WT1: variants seen among roughly 807,000 people sequenced by gnomAD.
The protein encoded by WT1 is Wilms tumor protein.
In WT1, 8 loss-of-function variants were observed where a neutral mutation model predicts 60.8. That is an observed-to-expected ratio of 0.13 (90% CI 0.08 to 0.24). The LOEUF (loss-of-function observed/expected upper bound fraction) is 0.24, where lower values mean the gene tolerates loss of function less well. Among genes scored for constraint, WT1 ranks in the 10% least tolerant of loss-of-function variants. The probability of loss-of-function intolerance (pLI) is 1.00; values close to 1 mark genes in which losing one functional copy is unlikely to be tolerated. For missense variants in WT1, 568 were observed against 711.8 expected, an observed-to-expected ratio of 0.80 and a Z score of 2.30; for synonymous variants, 312 against 297.1, an observed-to-expected ratio of 1.05 and a Z score of -0.52.
chr11:32,426,524 C>T (rs950417385), intron 3 of WT1, among the ~76,000 whole-genome samples: 1 of 152,172 alleles, frequency 6.6e-6, no homozygotes, highest in Admixed American at 6.5e-5. Flanking sequence ...CATGCCGCGC[C>T]TGTGGTGCAG....
intron 3 of WT1, 99 bp downstream of exon 3, chr11:32,427,857 C>T: frequency 8.7e-7 from 1 of 1,147,856 alleles, no homozygotes; most frequent in Non-Finnish European, 1.2e-6. Context: ...TGCATGCCCG[C>T]AGTCAGGGCT....
Position 32,388,938 on chromosome 11 carries a change from G to T in WT1, c.*120C>A. On this transcript the variant is annotated 3_prime_UTR_variant, in exon 10 of 10. Coordinates refer to ENST00000452863, the MANE Select transcript of WT1 (RefSeq NM_024426.6). ...GAAGCACCGGTATCTTGTCTTGGAAGTTGGATGAAGAAGATCAACTGAAGT... is the reference window on the plus strand; with the variant it reads ...GAAGCACCGGTATCTTGTCTTGGAATTTGGATGAAGAAGATCAACTGAAGT... 6.4e-7 allele frequency: 1 copy of T among 1,557,348 alleles called. No individual in the cohort carries two copies. Among genetic ancestry groups the T allele is most frequent in the Non-Finnish European group, 8.7e-7 (1 of 1,143,312 alleles).
At chr11:32,400,367 C>T (rs1215808128) in intron 5 of WT1, 8 of 430,280 alleles carry the variant, frequency 1.9e-5, no homozygotes, top group Non-Finnish European at 3.1e-5. Context: ...ACCATCTAGA[C>T]GGCAGGGCTG....
intron 1 of WT1, among the ~76,000 whole-genome samples, chr11:32,429,781 G>A (rs1396174424): frequency 6.6e-6 from 1 of 151,752 alleles, no homozygotes; most frequent in Non-Finnish European, 1.5e-5. Flanking sequence ...GACTGCCCTG[G>A]GTCTCCAAAC....
At position 32,399,978 on chromosome 11, in the gene WT1, T is replaced by C. The variant is rs17855567; in HGVS notation, c.1083A>G (p.Ile361Met). 6.2e-7 allele frequency: 1 copy of C among 1,614,096 alleles called. No homozygotes were observed. Among genetic ancestry groups the C allele is most frequent in the Non-Finnish European group, 8.5e-7 (1 of 1,180,058 alleles). ...TGCCTCTGAAGACACCGTGCGTGTG[T>C]ATTCTGTATTGGGCTCCGCAGAGGA... Residue 361 changes from isoleucine to methionine, a missense_variant, in exon 6 of 10, where the codon ATA becomes ATG. By Grantham distance (10) the Ile-to-Met change is conservative. Coordinates refer to ENST00000452863, the MANE Select transcript of WT1 (RefSeq NM_024426.6).
At chr11:32,410,141 G>T (rs1039187182) in intron 5 of WT1, among the ~76,000 whole-genome samples, 5 of 152,166 alleles carry the variant, frequency 3.3e-5, no homozygotes, top group South Asian at 2.1e-4. Context: ...ACGTTGGCCA[G>T]GCTGGTCTCA....
At position 32,430,941 on chromosome 11, in the gene WT1, G is replaced by A. The variant is rs150782706; in HGVS notation, c.662-2322C>T. 9.3e-4 allele frequency: 815 copies of A among 875,026 alleles called. 1 individual carries two copies. Among genetic ancestry groups the A allele is most frequent in the Admixed American group, 1.5e-3 (30 of 19,912 alleles). 54.2% of individuals were successfully genotyped at this position (875,026 alleles called of 1,614,324 possible). Reference sequence around the variant, plus strand: ...AGTGCGGGGGCAGGGGCCAGGGGAGGTAAAGCTGCCGGCTGGAAGGAGCAG... The same window carrying A: ...AGTGCGGGGGCAGGGGCCAGGGGAGATAAAGCTGCCGGCTGGAAGGAGCAG... On this transcript the variant is annotated intron_variant, in intron 1 of 9. Transcript: ENST00000452863.
chr11:32,426,876 C>A (rs1294955784), intron 3 of WT1, among the ~76,000 whole-genome samples: 1 of 152,132 alleles, frequency 6.6e-6, no homozygotes, highest in Non-Finnish European at 1.5e-5. Context: ...ATCGAGGACT[C>A]CCGCCCCTCC....
chr11:32,400,824 A>G (rs1409918588), intron 5 of WT1, among the ~76,000 whole-genome samples: 1 of 152,246 alleles, frequency 6.6e-6, no homozygotes, highest in African/African-American at 2.4e-5. Flanking sequence ...AGATGAGATG[A>G]GGCAGACTGA....
At chr11:32,430,238 G>A (rs1170061873) in intron 1 of WT1, among the ~76,000 whole-genome samples, 1 of 152,046 alleles carries the variant, frequency 6.6e-6, no homozygotes, top group Non-Finnish European at 1.5e-5. Flanking sequence ...CCCCGGCCCC[G>A]TTAGCTCTCC....
At chr11:32,401,079 G>A (rs1852138605) in intron 5 of WT1, among the ~76,000 whole-genome samples, 1 of 152,148 alleles carries the variant, frequency 6.6e-6, no homozygotes, top group South Asian at 2.1e-4. Flanking sequence ...ATATTCCTAA[G>A]AGCCAAAAAG....
chr11:32,428,312 A>C (rs1361785086), intron 2 of WT1, among the ~76,000 whole-genome samples, 185 bp downstream of exon 2: 1 of 152,222 alleles, frequency 6.6e-6, no homozygotes, highest in East Asian at 1.9e-4. Flanking sequence ...CGATGTCCCT[A>C]ACGTACTTGG....
chr11:32,430,532 T>G, intron 1 of WT1: 1 of 1,566,378 alleles, frequency 6.4e-7, no homozygotes, highest in Non-Finnish European at 8.6e-7. Context: ...AGACGAACCC[T>G]TCTCCATTCC....
chr11:32,412,670 A>G (rs1454169062), intron 5 of WT1, among the ~76,000 whole-genome samples: 1 of 141,814 alleles, frequency 7.1e-6, no homozygotes, highest in Admixed American at 7.6e-5. Context: ...TGGTGGACTC[A>G]TACTCAGAAA....
chr11:32,411,597 C>T (rs1852499945), intron 5 of WT1, among the ~76,000 whole-genome samples: 1 of 152,054 alleles, frequency 6.6e-6, no homozygotes, highest in African/African-American at 2.4e-5. Flanking sequence ...TCTAACTGTT[C>T]TATAATTTAT....
intron 5 of WT1, among the ~76,000 whole-genome samples, chr11:32,411,349 G>A (rs1852492779): frequency 6.6e-6 from 1 of 152,158 alleles, no homozygotes; most frequent in Non-Finnish European, 1.5e-5. Flanking sequence ...TTTTTTAAGA[G>A]GCTGAGAATA....
At chr11:32,427,040 G>A (rs1285340755) in intron 3 of WT1, among the ~76,000 whole-genome samples, 3 of 152,334 alleles carry the variant, frequency 2.0e-5, no homozygotes, top group East Asian at 3.9e-4. Context: ...ATGGGGATGG[G>A]TTTGGGGGCA....
chr11:32,397,504 G>A (rs61889210), intron 6 of WT1, among the ~76,000 whole-genome samples: 2,034 of 142,396 alleles, frequency 0.014, 31 homozygotes, highest in South Asian at 0.056. Context: ...TTTTTTGGTA[G>A]AGATAGGGTC....
intron 3 of WT1, among the ~76,000 whole-genome samples, chr11:32,418,960 A>G (rs1217180798): frequency 5.3e-5 from 8 of 152,188 alleles, no homozygotes; most frequent in Admixed American, 5.2e-4. Context: ...TCAAACTCAA[A>G]GTATGTGCCG....
Sources: allele counts gnomAD v4.1 joint callset (sites outside exome capture counted in the v4.1 genomes callset), GRCh38; gene constraint gnomAD v4.1.1; transcripts MANE v1.5; gene names NCBI Gene and HGNC (gene_info 2026-07-23, HGNC 2026-07-21).